Variants in EPHA7 observed in about 807,000 individuals in gnomAD.
EPHA7 encodes EPH receptor A7, also known as ephrin type-A receptor 7.
EPHA7 carries 25 observed loss-of-function variants against 112.6 expected under a neutral mutation model. The ratio of observed to expected loss-of-function variants is 0.22; its 90% CI spans 0.16 to 0.31. EPHA7 has a LOEUF of 0.31. Among genes scored for constraint, EPHA7 ranks in the 10% least tolerant of loss-of-function variants. The pLI is 1.00. For missense variants in EPHA7, 962 were observed against 1,212.6 expected, an observed-to-expected ratio of 0.79 and a Z score of 3.07; for synonymous variants, 437 against 406.5, an observed-to-expected ratio of 1.07 and a Z score of -0.90.
In EPHA7 at chr6:93,410,460, T is replaced by C. The variant is rs775303942; in HGVS notation, c.832+41A>G. 19 of 1,551,008 alleles carry C rather than the reference T, an allele frequency of 1.2e-5. No homozygotes were observed. The highest frequency in any genetic ancestry group is 1.6e-5 in the Non-Finnish European group (18 of 1,144,898). On this transcript the variant is annotated intron_variant, in intron 3 of 16. Coordinates refer to ENST00000369303, the MANE Select transcript of EPHA7 (RefSeq NM_004440.4). This position sits in a 1 kb window ranked among gnomAD's most constrained non-coding sequence, Gnocchi z 4.0. ...GTTTAAAATGTCTGATACTGAAATT[T>C]AAAAAGGCAAAGTGGAGTTTTAATA...
At chr6:93,362,732 C>T (rs1672385277) in intron 3 of EPHA7, among the ~76,000 whole-genome samples, 1 of 152,092 alleles carries the variant, frequency 6.6e-6, no homozygotes, top group South Asian at 2.1e-4. Flanking sequence ...ATCCTAAAGG[C>T]CACCCAAAAG....
chr6:93,258,418 T>C (rs1770540216), intron 10 of EPHA7, 134 bp from the exon 11 acceptor site: 1 of 973,612 alleles, frequency 1.0e-6, no homozygotes, highest in Non-Finnish European at 1.5e-6. Flanking sequence ...TTTTCAAAAA[T>C]ACTTGGTAAA....
chr6:93,339,774 G>C (rs999243204), intron 5 of EPHA7, among the ~76,000 whole-genome samples: 1 of 151,716 alleles, frequency 6.6e-6, no homozygotes, highest in African/African-American at 2.4e-5. Flanking sequence ...TTTTTGGCAT[G>C]TCAATACATT....
chr6:93,372,721 T>C (rs913489268), intron 3 of EPHA7, among the ~76,000 whole-genome samples: 1 of 152,106 alleles, frequency 6.6e-6, no homozygotes, highest in Non-Finnish European at 1.5e-5. Context: ...TTTTAAATAG[T>C]TTTCTGTTTG....
intron 3 of EPHA7, among the ~76,000 whole-genome samples, chr6:93,387,978 GA>G (rs779707370): frequency 2.3e-5 from 3 of 131,648 alleles, no homozygotes; most frequent in African/African-American, 5.6e-5. Context: ...TAGATAGATA[GA>G]ATAGATAGAT....
intron 7 of EPHA7, among the ~76,000 whole-genome samples, chr6:93,268,166 A>C (rs1359770181): frequency 6.6e-6 from 1 of 151,708 alleles, no homozygotes; most frequent in Admixed American, 6.6e-5. Flanking sequence ...AATGGTATTA[A>C]GTTTACCACA....
chr6:93,344,500 T>C (rs566079850), intron 5 of EPHA7, among the ~76,000 whole-genome samples: 1 of 151,810 alleles, frequency 6.6e-6, no homozygotes, highest in African/African-American at 2.4e-5. Flanking sequence ...ACCAGTCTGA[T>C]AAATGTTGTA....
chr6:93,250,625 C>A (rs934799196), intron 14 of EPHA7, among the ~76,000 whole-genome samples: 1 of 152,054 alleles, frequency 6.6e-6, no homozygotes, highest in African/African-American at 2.4e-5. Flanking sequence ...TAGGTACATT[C>A]TTCATATAGT....
intron 5 of EPHA7, among the ~76,000 whole-genome samples, chr6:93,352,385 A>G (rs1775737761): frequency 6.6e-6 from 1 of 152,142 alleles, no homozygotes; most frequent in African/African-American, 2.4e-5. Flanking sequence ...TGTTCTGATT[A>G]CAGAAAAGGG....
chr6:93,406,020 A>G (rs1335332055), intron 3 of EPHA7, among the ~76,000 whole-genome samples: 1 of 150,262 alleles, frequency 6.7e-6, no homozygotes, highest in Non-Finnish European at 1.5e-5. Context: ...CATTTGTTAA[A>G]TTATACATAT....
intron 3 of EPHA7, among the ~76,000 whole-genome samples, chr6:93,369,285 C>T (rs1776666529): frequency 6.6e-6 from 1 of 151,684 alleles, no homozygotes; most frequent in Non-Finnish European, 1.5e-5. Flanking sequence ...ATACTTTCTA[C>T]TCCTTCATAA....
At chr6:93,348,238 A>G (rs1029741598) in intron 5 of EPHA7, among the ~76,000 whole-genome samples, 2 of 151,848 alleles carry the variant, frequency 1.3e-5, no homozygotes, top group Non-Finnish European at 2.9e-5. Flanking sequence ...TTCCTTATGT[A>G]TGTTTTAATT....
At chr6:93,387,781 C>A (rs1478440386) in intron 3 of EPHA7, among the ~76,000 whole-genome samples, 10 of 152,032 alleles carry the variant, frequency 6.6e-5, no homozygotes, top group Admixed American at 3.3e-4. Flanking sequence ...CTCATAAGAA[C>A]TCACTATCAC....
In EPHA7 at chr6:93,410,699, A is replaced by G. The variant is rs768570529; in HGVS notation, c.634T>C (p.Leu212=). ...GTCACTGTATCTGGAAAGATAGCTA[A>G]GTTCTCAATAATGGACCAGCACTTC... is the stretch of plus-strand genomic sequence containing the variant. ...YKKCWSIIEN[L]AIFPDTVTGS... Residue 212 remains leucine, a synonymous_variant, in exon 3 of 17, where the codon TTA becomes CTA. Coordinates refer to ENST00000369303, the MANE Select transcript of EPHA7 (RefSeq NM_004440.4). The surrounding 1 kb of genome is among the most constrained non-coding windows in gnomAD (Gnocchi z 4.0). 5 of 1,614,082 alleles carry G rather than the reference A, an allele frequency of 3.1e-6. No individual in the cohort carries two copies. The Admixed American group carries it at 8.3e-5, about 27-fold the overall frequency.
rs1304791200 is a variant in EPHA7, at chr6:93,254,673, G to T, written c.2506C>A (p.Pro836Thr). 1 of 1,612,282 alleles carries T rather than the reference G, an allele frequency of 6.2e-7. No individual in the cohort carries two copies. Residue 836 changes from proline to threonine, a missense_variant, in exon 14 of 17, where the codon CCT becomes ACT. This residue lies in a region of EPHA7 where 746 missense variants were observed against 889.2 expected (regional missense o/e 0.84). Coordinates refer to ENST00000369303, the MANE Select transcript of EPHA7 (RefSeq NM_004440.4). ...TCTTGATTTGACATGTCCCAATAAGGTCTTTCTCCATAAGACATAACTTCC... is the reference window on the plus strand; with the variant it reads ...TCTTGATTTGACATGTCCCAATAAGTTCTTTCTCCATAAGACATAACTTCC... ...MWEVMSYGER[P>T]YWDMSNQDVI...
intron 1 of EPHA7, among the ~76,000 whole-genome samples, chr6:93,417,139 GAC>G (rs1448587617): frequency 1.6e-4 from 25 of 152,186 alleles, no homozygotes; most frequent in Admixed American, 1.6e-3. Flanking sequence ...GTCAGACTCT[GAC>G]ACGCGCTCCC....
In EPHA7 at chr6:93,276,855, A is replaced by C. The variant is rs547165770; in HGVS notation, c.1325-4433T>G. ...AAAAAGTCATTTATTTATACCATTC[A>C]TTTTTTCTACATTTACATGTTTCTA... is the stretch of plus-strand genomic sequence containing the variant. On this transcript the variant is annotated intron_variant, in intron 5 of 16. Transcript: ENST00000369303. 3.0e-4 allele frequency among the ~76,000 whole-genome samples: 46 copies of C among 152,128 alleles called. 1 individual carries two copies. The highest frequency in any genetic ancestry group is 1.1e-3 in the African/African-American group (45 of 41,538).
chr6:93,403,563 C>G (rs1055272260), intron 3 of EPHA7, among the ~76,000 whole-genome samples: 13 of 151,692 alleles, frequency 8.6e-5, no homozygotes, highest in Admixed American at 5.3e-4. Flanking sequence ...TCACTTGAGC[C>G]CAGGAGTGCT....
intron 5 of EPHA7, among the ~76,000 whole-genome samples, chr6:93,291,395 G>A (rs576974984): frequency 9.7e-4 from 147 of 152,140 alleles, no homozygotes; most frequent in African/African-American, 3.3e-3. Context: ...ATCATTAAGC[G>A]TCTAATCACA....
Sources: allele counts gnomAD v4.1 joint callset (sites outside exome capture counted in the v4.1 genomes callset), GRCh38; gene constraint gnomAD v4.1.1; regional missense constraint gnomAD v4.1.1; non-coding constraint Gnocchi (gnomAD v3.1); transcripts MANE v1.5; gene names NCBI Gene and HGNC (gene_info 2026-07-23, HGNC 2026-07-21).